Variants in SETD4 observed in about 807,000 individuals in gnomAD.
SETD4 encodes SET domain-containing protein 4.
In SETD4, 46 loss-of-function variants were observed where a neutral mutation model predicts 58.3. The observed-to-expected ratio is 0.79, with a 90% CI of 0.62 to 1.01. The LOEUF is 1.01. Among genes scored for constraint, SETD4 ranks in the 50% least tolerant of loss-of-function variants. SETD4 has a pLI of 0.00. For synonymous variants in SETD4, 190 were observed against 202.6 expected, an observed-to-expected ratio of 0.94 and a Z score of 0.53; for missense variants, 490 against 523.3, an observed-to-expected ratio of 0.94 and a Z score of 0.62.
At chr21:36,058,109 G>A (rs755866425) in intron 2 of SETD4, among the ~76,000 whole-genome samples, 8 of 152,210 alleles carry the variant, frequency 5.3e-5, no homozygotes, top group Non-Finnish European at 1.0e-4. Flanking sequence ...GTCATCCCCA[G>A]AGAAGACAGT....
chr21:36,053,609 C>G lies in SETD4; in HGVS notation c.181G>C (p.Gly61Arg). 6.2e-7 allele frequency: 1 copy of G among 1,614,078 alleles called. No individual in the cohort carries two copies. Among genetic ancestry groups the G allele is most frequent in the Non-Finnish European group, 8.5e-7 (1 of 1,180,000 alleles). Residue 61 changes from glycine to arginine, a missense_variant, in exon 4 of 12, where the codon GGG (glycine) becomes CGG (arginine). Gly to Arg is a moderately radical substitution (Grantham distance 125, BLOSUM62 -2). Coordinates refer to ENST00000332131, the MANE Select transcript of SETD4 (RefSeq NM_017438.5). ...TGCAGGGATGTTTGACTCATCAGCC[C>G]TCTTCCTGTACCTAGGAAAGCAAAG... ...APACFPGTGRGLMSQTSLQEG... is the reference protein window; with the variant it reads ...APACFPGTGRRLMSQTSLQEG...
Position 36,035,897 on chromosome 21 carries a change from G to C in SETD4, c.*96C>G. On this transcript the variant is annotated 3_prime_UTR_variant, in exon 12 of 12. Coordinates refer to ENST00000332131, the MANE Select transcript of SETD4 (RefSeq NM_017438.5). ...CTGTGCTGCCCCCTGCAGAAATCCT[G>C]CATGTCCTGGGGGCAGCCACCACCC... 1 of 566,432 alleles carries C rather than the reference G, an allele frequency of 1.8e-6. No homozygotes were observed. Among genetic ancestry groups the C allele is most frequent in the South Asian group, 2.0e-5 (1 of 49,684 alleles). 35.1% of individuals were successfully genotyped at this position (566,432 alleles called of 1,614,324 possible). A position where few individuals can be genotyped will look rare whatever the true frequency, so the allele number is the denominator to read the frequency against.
chr21:36,051,160 G>A (rs1001056411), intron 4 of SETD4: 314 of 1,571,104 alleles, frequency 2.0e-4, no homozygotes, highest in Middle Eastern at 1.0e-3. Flanking sequence ...CTCACCCAGC[G>A]TATGTCCCTG....
At chr21:36,036,394 T>A (rs2063782604) in intron 10 of SETD4, 143 bp from the exon 11 acceptor site, 1 of 866,750 alleles carries the variant, frequency 1.2e-6, no homozygotes, top group Admixed American at 3.2e-5. Context: ...ACTGCCACTC[T>A]CCAGCTCCAG....
chr21:36,040,233 G>A (rs1389713495), intron 9 of SETD4, among the ~76,000 whole-genome samples: 1 of 151,984 alleles, frequency 6.6e-6, no homozygotes, highest in Non-Finnish European at 1.5e-5. Context: ...TACTTGTCCT[G>A]GGCAAAACCT....
intron 10 of SETD4, chr21:36,036,593 T>C (rs1375707275): frequency 4.2e-6 from 4 of 947,964 alleles, no homozygotes; most frequent in African/African-American, 1.8e-5. Flanking sequence ...TTTCCAATAA[T>C]GTCTTCAAGC....
intron 4 of SETD4, among the ~76,000 whole-genome samples, chr21:36,049,384 A>G (rs1417095060): frequency 3.3e-5 from 5 of 152,072 alleles, no homozygotes; most frequent in African/African-American, 4.8e-5. Context: ...ATGAAACCAC[A>G]TCTCTACTAA....
At chr21:36,056,006 G>A (rs2064966139) in intron 3 of SETD4, among the ~76,000 whole-genome samples, 1 of 152,122 alleles carries the variant, frequency 6.6e-6, no homozygotes, top group Admixed American at 6.5e-5. Context: ...GGCTTTTACT[G>A]ACCATCTTTG....
intron 3 of SETD4, among the ~76,000 whole-genome samples, chr21:36,053,849 G>A (rs2064845880): frequency 6.6e-6 from 1 of 152,156 alleles, no homozygotes; most frequent in South Asian, 2.1e-4. Context: ...TCAGAGGTGA[G>A]ACCTAAAGAG....
At chr21:36,059,824 A>T in intron 1 of SETD4, 1 of 985,518 alleles carries the variant, frequency 1.0e-6, no homozygotes, top group African/African-American at 1.7e-5. Context: ...TATTTGACCT[A>T]ACGAAAGTCG....
rs1176326502 is a variant in SETD4, at chr21:36,035,627, G to A, written c.*366C>T. 4 of 184,660 alleles carry A rather than the reference G, an allele frequency of 2.2e-5. No individual in the cohort carries two copies. Among genetic ancestry groups the A allele is most frequent in the African/African-American group, 4.8e-5 (2 of 41,594 alleles). 11.4% of individuals were successfully genotyped at this position (184,660 alleles called of 1,614,324 possible). ...TACCTCACACTGCCCCACACCCACC[G>A]CCAATCTGCCCCTTAACCCAATGGT... On this transcript the variant is annotated 3_prime_UTR_variant, in exon 12 of 12. Transcript: ENST00000332131.
intron 1 of SETD4, chr21:36,060,133 C>T: frequency 2.0e-6 from 2 of 985,558 alleles, no homozygotes; most frequent in Non-Finnish European, 2.4e-6. Flanking sequence ...CTCAGCTTTA[C>T]GCAGCGCGCC....
At chr21:36,057,234 T>C in intron 2 of SETD4, 30 bp from the exon 3 acceptor site, 1 of 1,477,776 alleles carries the variant, frequency 6.8e-7, no homozygotes, top group East Asian at 2.3e-5. Flanking sequence ...CAAATGGTGA[T>C]TAAAACCACT....
intron 3 of SETD4, 146 bp from the exon 4 acceptor site, chr21:36,053,766 C>A: frequency 1.3e-6 from 1 of 776,398 alleles, no homozygotes; most frequent in Non-Finnish European, 2.1e-6. Flanking sequence ...CCAGGGGAAA[C>A]AGGGAGTCAG....
At chr21:36,053,298 T>C (rs2064809118) in intron 4 of SETD4, 2 of 491,602 alleles carry the variant, frequency 4.1e-6, no homozygotes, top group Non-Finnish European at 7.3e-6. Context: ...TTGGGGCCTC[T>C]GCCAGCCATG....
chr21:36,045,606 C>G lies in SETD4; in HGVS notation c.702G>C (p.Leu234=). 6.2e-7 allele frequency: 1 copy of G among 1,613,908 alleles called. No homozygotes were observed. The part of the protein sequence containing the change: ...DTCALAPYLD[L]LNHSPHVQVK... ...CCTGGACATGTGGGCTATGATTCAG[C>G]AGGTCCAGGTACGGAGCGAGTGCAC... Residue 234 remains leucine (L), a synonymous_variant, in exon 6 of 12, where the codon CTG becomes CTC. Transcript: ENST00000332131.
intron 5 of SETD4, among the ~76,000 whole-genome samples, chr21:36,047,501 A>G (rs1332932742): frequency 6.6e-6 from 1 of 152,196 alleles, no homozygotes; most frequent in Non-Finnish European, 1.5e-5. Flanking sequence ...TAGAAATAAG[A>G]GAGAGTAACT....
intron 8 of SETD4, 99 bp downstream of exon 8, chr21:36,041,708 G>C (rs1252158572): frequency 6.7e-6 from 5 of 748,614 alleles, no homozygotes; most frequent in Middle Eastern, 2.3e-4. Context: ...AGCTGATACA[G>C]GGTCAGGAGG....
intron 2 of SETD4, among the ~76,000 whole-genome samples, chr21:36,058,309 T>C (rs1389464562): frequency 6.6e-6 from 1 of 152,068 alleles, no homozygotes; most frequent in Non-Finnish European, 1.5e-5. Flanking sequence ...AAGACCAGCC[T>C]GTGCAACATA....
Sources: gnomAD v4.1 joint callset for allele counts (sites outside exome capture counted in the v4.1 genomes callset) on GRCh38, gnomAD v4.1.1 for gene constraint, MANE v1.5 for transcripts, NCBI Gene and HGNC (gene_info 2026-07-23, HGNC 2026-07-21) for gene names.